Variants in ZNF277 observed in about 807,000 individuals in gnomAD.
The protein encoded by ZNF277 is nuclear receptor-interacting factor 4.
ZNF277 carries 55 observed loss-of-function variants against 60.7 expected under a neutral mutation model. The ratio of observed to expected loss-of-function variants is 0.91; its 90% CI spans 0.73 to 1.13. The LOEUF is 1.13. Ranked by LOEUF, ZNF277 falls within the 50% of genes most tolerant of loss-of-function variation. The pLI is 0.00. For missense variants in ZNF277, 510 were observed against 523.0 expected (o/e 0.98, Z 0.24); for synonymous variants, 178 against 179.3 (o/e 0.99, Z 0.06).
intron 1 of ZNF277, among the ~76,000 whole-genome samples, chr7:112,243,665 G>A (rs970309085): frequency 2.0e-5 from 3 of 151,898 alleles, no homozygotes; most frequent in Non-Finnish European, 4.4e-5. Context: ...TAGTTAAAAA[G>A]TCAAAAAATT....
At chr7:112,339,764 T>C in intron 9 of ZNF277, 79 bp from the exon 10 acceptor site, 1 of 1,401,598 alleles carries the variant, frequency 7.1e-7, no homozygotes. Flanking sequence ...CTCAAACTCC[T>C]GTGAATAAGT....
chr7:112,300,267 G>T (rs1224849150), intron 4 of ZNF277, among the ~76,000 whole-genome samples: 1 of 152,156 alleles, frequency 6.6e-6, no homozygotes, highest in African/African-American at 2.4e-5. Flanking sequence ...TTTTTGAAGA[G>T]CTTGATTCCT....
intron 4 of ZNF277, among the ~76,000 whole-genome samples, chr7:112,300,619 G>A (rs1792452212): frequency 1.3e-5 from 2 of 152,150 alleles, no homozygotes; most frequent in African/African-American, 4.8e-5. Context: ...TTCATGAATT[G>A]AGTTCATCCA....
intron 8 of ZNF277, among the ~76,000 whole-genome samples, chr7:112,336,702 T>C (rs1490898078): frequency 1.3e-5 from 2 of 152,216 alleles, no homozygotes; most frequent in Non-Finnish European, 2.9e-5. Flanking sequence ...TCTCTCAGGA[T>C]TTTAAATTAT....
intron 3 of ZNF277, 108 bp downstream of exon 3, chr7:112,296,065 T>A: frequency 9.5e-7 from 1 of 1,057,066 alleles, no homozygotes; most frequent in Non-Finnish European, 1.4e-6. Context: ...TAGATAAAAT[T>A]AAATTGATGT....
chr7:112,253,014 G>T (rs1208269140), intron 1 of ZNF277, among the ~76,000 whole-genome samples: 1 of 152,106 alleles, frequency 6.6e-6, no homozygotes, highest in African/African-American at 2.4e-5. Flanking sequence ...TCACAATATG[G>T]TTTGATAAGT....
intron 1 of ZNF277, among the ~76,000 whole-genome samples, chr7:112,218,469 T>C (rs931527963): frequency 1.3e-5 from 2 of 152,212 alleles, no homozygotes; most frequent in African/African-American, 2.4e-5. Flanking sequence ...CTTACCATTT[T>C]TTTGTGGTGA....
chr7:112,339,773 G>C, intron 9 of ZNF277, 70 bp from the exon 10 acceptor site: 2 of 1,473,208 alleles, frequency 1.4e-6, no homozygotes, highest in Non-Finnish European at 1.9e-6. Flanking sequence ...CTGTGAATAA[G>C]TTGTTTATAA....
rs1267495935 is a variant in ZNF277 at position 112,323,261 on chromosome 7, T to C, written c.558-4456T>C. On this transcript the variant is annotated intron_variant, in intron 5 of 11. Coordinates refer to ENST00000361822, the MANE Select transcript of ZNF277 (RefSeq NM_021994.3). Reference sequence around the variant, plus strand: ...AATGTCAACTTTTCAGAGTCCTCTGTAGACACCTCATTACCCAGATTTTCC... The same window carrying C: ...AATGTCAACTTTTCAGAGTCCTCTGCAGACACCTCATTACCCAGATTTTCC... 2.6e-5 allele frequency among the ~76,000 whole-genome samples: 4 copies of C among 152,238 alleles called. No homozygotes were observed. The South Asian group carries it at 6.2e-4, about 24-fold the overall frequency.
intron 4 of ZNF277, among the ~76,000 whole-genome samples, chr7:112,301,608 T>C (rs58514081): frequency 0.059 from 8,980 of 152,178 alleles, 704 homozygotes; most frequent in African/African-American, 0.18. Context: ...GGAATGGCAA[T>C]CCCCACCTGT....
intron 4 of ZNF277, among the ~76,000 whole-genome samples, chr7:112,302,503 T>G (rs1297909305): frequency 6.6e-6 from 1 of 152,140 alleles, no homozygotes; most frequent in African/African-American, 2.4e-5. Context: ...TTTTCTTAAA[T>G]ATAAGATGAT....
intron 4 of ZNF277, among the ~76,000 whole-genome samples, chr7:112,299,167 A>G (rs939621117): frequency 3.3e-5 from 5 of 152,188 alleles, no homozygotes; most frequent in African/African-American, 9.6e-5. Flanking sequence ...TTTATGCTAC[A>G]TAGTGTGGAA....
chr7:112,212,399 C>A (rs1432791291), intron 1 of ZNF277, among the ~76,000 whole-genome samples: 1 of 152,188 alleles, frequency 6.6e-6, no homozygotes. Context: ...AATTCCAATT[C>A]TGACATTTAA....
At chr7:112,312,228 T>G (rs1792748283) in intron 4 of ZNF277, among the ~76,000 whole-genome samples, 1 of 152,122 alleles carries the variant, frequency 6.6e-6, no homozygotes, top group African/African-American at 2.4e-5. Context: ...AAAAAAAATT[T>G]TTTCTATGCA....
At chr7:112,250,498 C>G (rs1201483998) in intron 1 of ZNF277, among the ~76,000 whole-genome samples, 1 of 152,182 alleles carries the variant, frequency 6.6e-6, no homozygotes, top group Non-Finnish European at 1.5e-5. Context: ...CTAATAAAAA[C>G]TTGCTGGTTT....
At chr7:112,324,556 A>G (rs1051549672) in intron 5 of ZNF277, among the ~76,000 whole-genome samples, 4 of 152,196 alleles carry the variant, frequency 2.6e-5, no homozygotes, top group African/African-American at 9.7e-5. Context: ...ATAAGGTGCC[A>G]TCTCTACTCC....
At chr7:112,230,662 T>G (rs955944264) in intron 1 of ZNF277, among the ~76,000 whole-genome samples, 1 of 152,186 alleles carries the variant, frequency 6.6e-6, no homozygotes, top group Non-Finnish European at 1.5e-5. Context: ...TAAATTTGCT[T>G]TATTTTCTAA....
chr7:112,263,248 A>G (rs1208780200), intron 1 of ZNF277, among the ~76,000 whole-genome samples: 1 of 152,210 alleles, frequency 6.6e-6, no homozygotes, highest in Non-Finnish European at 1.5e-5. Context: ...GGACTGGCCA[A>G]CTGTCAGAAG....
At chr7:112,277,470 C>T (rs1053798183) in intron 1 of ZNF277, among the ~76,000 whole-genome samples, 1 of 152,140 alleles carries the variant, frequency 6.6e-6, no homozygotes, top group Admixed American at 6.5e-5. Flanking sequence ...ATTGAATTCC[C>T]GAAACCCCAG....
Sources: gnomAD v4.1 joint callset for allele counts (sites outside exome capture counted in the v4.1 genomes callset) on GRCh38, gnomAD v4.1.1 for gene constraint, MANE v1.5 for transcripts, NCBI Gene and HGNC (gene_info 2026-07-23, HGNC 2026-07-21) for gene names.